Variants in PADI3 observed in about 807,000 individuals in gnomAD.
PADI3 encodes peptidyl arginine deiminase 3.
PADI3 carries 53 observed loss-of-function variants against 71.5 expected under a neutral mutation model. That is an observed-to-expected ratio of 0.74 (90% CI 0.59 to 0.93). The LOEUF (loss-of-function observed/expected upper bound fraction) is 0.93, where lower values mean the gene tolerates loss of function less well. Among genes scored for constraint, PADI3 ranks in the 40% least tolerant of loss-of-function variants. The pLI is 0.00. For missense variants in PADI3, 821 were observed against 868.0 expected, an observed-to-expected ratio of 0.95 and a Z score of 0.68; for synonymous variants, 361 against 347.5, an observed-to-expected ratio of 1.04 and a Z score of -0.43.
At chr1:17,272,998 A>T (rs75502034) in intron 9 of PADI3, among the ~76,000 whole-genome samples, 2,092 of 152,250 alleles carry the variant, frequency 0.014, 42 homozygotes, top group African/African-American at 0.047. Context: ...TGACCTGGGC[A>T]CATTTATGGA....
chr1:17,250,518 G>A (rs1162830536), intron 1 of PADI3, among the ~76,000 whole-genome samples: 7 of 152,188 alleles, frequency 4.6e-5, no homozygotes, highest in Non-Finnish European at 1.0e-4. Flanking sequence ...GTTGATCCAG[G>A]GCATTGGATG....
rs1466244943 is a variant in PADI3 at position 17,271,077 on chromosome 1, A to C, written c.946A>C (p.Asn316His). The change falls in exon 9 of 16, where the codon AAC becomes CAC. Residue 316 changes from asparagine (N) to histidine (H), a missense_variant. Physicochemically the swap from Asn to His is moderately conservative, Grantham distance 68. Coordinates refer to ENST00000375460, the MANE Select transcript of PADI3 (RefSeq NM_016233.2). Reference protein sequence around the residue: ...LEVYVCRVRNNTCFVDAVAEL... With the variant: ...LEVYVCRVRNHTCFVDAVAEL... Reference sequence around the variant, plus strand: ...TGGGCTTGTCCGTAGTGTGAGGAACAACACGTGTTTTGTGGATGCGGTGGC... The same window carrying C: ...TGGGCTTGTCCGTAGTGTGAGGAACCACACGTGTTTTGTGGATGCGGTGGC... The C allele has an allele frequency of 1.2e-6, 2 of 1,614,070 alleles. No homozygotes were observed. The highest frequency in any genetic ancestry group is 2.2e-5 in the South Asian group (2 of 91,076).
At position 17,271,119 on chromosome 1, in the gene PADI3, G is replaced by T; in HGVS notation, c.988G>T (p.Ala330Ser). 6.2e-7 allele frequency: 1 copy of T among 1,613,908 alleles called. No homozygotes were observed. Among genetic ancestry groups the T allele is most frequent in the East Asian group, 2.2e-5 (1 of 44,840 alleles). Residue 330 changes from alanine (A) to serine (S), a missense_variant, in exon 9 of 16, where the codon GCC becomes TCC. Coordinates refer to ENST00000375460, the MANE Select transcript of PADI3 (RefSeq NM_016233.2). ...VDAVAELARK[A>S]GCKLTICPQA... ...TGCGGTGGCAGAGCTGGCCAGGAAG[G>T]CCGGCTGCAAGCTGACCATCTGCCC... is the stretch of plus-strand genomic sequence containing the variant.
Position 17,267,841 on chromosome 1 carries a change from G to A in PADI3, c.531G>A (p.Leu177=), listed in dbSNP as rs1394895336. Residue 177 remains leucine (L), a synonymous_variant, in exon 6 of 16, where the codon CTG becomes CTA. Coordinates refer to ENST00000375460, the MANE Select transcript of PADI3 (RefSeq NM_016233.2). ...CDQHVHCLQD[L]EDMSVMVLRT... ...CCACTCTGTCTGGCTTCACAGACCT[G>A]GAAGACATGTCTGTCATGGTCCTGC... The A allele has an allele frequency of 6.2e-7, 1 of 1,613,608 alleles. No homozygotes were observed. Among genetic ancestry groups the A allele is most frequent in the Non-Finnish European group, 8.5e-7 (1 of 1,180,042 alleles).
At chr1:17,265,205 G>A (rs2073152115) in intron 3 of PADI3, among the ~76,000 whole-genome samples, 2 of 152,070 alleles carry the variant, frequency 1.3e-5, no homozygotes, top group African/African-American at 4.8e-5. Context: ...TGGGATGGGG[G>A]TGGGATTTGG....
At position 17,266,769 on chromosome 1, in the gene PADI3, C is replaced by G. The variant is rs768455472; in HGVS notation, c.459C>G (p.Asn153Lys). ...GGTATGGCGGCATCTTGCTGGTGAA[C>G]TGTGACCGTGATGATCCGAGCTGTG... ...PSGYGGILLV[N>K]CDRDDPSCDV... The change falls in exon 5 of 16, where the codon AAC becomes AAG. Residue 153 changes from asparagine (N) to lysine (K), a missense_variant. Transcript: ENST00000375460. 2.5e-6 allele frequency: 4 copies of G among 1,614,166 alleles called. No individual in the cohort carries two copies. The highest frequency in any genetic ancestry group is 1.3e-5 in the African/African-American group (1 of 75,032).
intron 3 of PADI3, among the ~76,000 whole-genome samples, chr1:17,263,080 A>G (rs2073122996): frequency 6.6e-6 from 1 of 152,114 alleles, no homozygotes; most frequent in South Asian, 2.1e-4. Context: ...ACGCCCAGCT[A>G]CTTTTGTATT....
intron 10 of PADI3, among the ~76,000 whole-genome samples, 182 bp from the exon 11 acceptor site, chr1:17,274,453 G>C (rs1481543941): frequency 6.6e-6 from 1 of 152,222 alleles, no homozygotes; most frequent in East Asian, 1.9e-4. Flanking sequence ...GACTTTGCCT[G>C]CTATGCGTGC....
intron 15 of PADI3, among the ~76,000 whole-genome samples, chr1:17,281,033 AC>A (rs1242036169): frequency 6.6e-6 from 1 of 152,236 alleles, no homozygotes; most frequent in Non-Finnish European, 1.5e-5. Context: ...GAAGGGGTCC[AC>A]TTGACATTTG....
Position 17,258,981 on chromosome 1 carries a change from G to A in PADI3, c.93-597G>A, listed in dbSNP as rs368354250. Reference sequence around the variant, plus strand: ...AGCACATGGCTGGCTTCTGACTTCCGAAGAGCTCGCCATTCTGGTGAGTGG... The same window carrying A: ...AGCACATGGCTGGCTTCTGACTTCCAAAGAGCTCGCCATTCTGGTGAGTGG... On this transcript the variant is annotated intron_variant, in intron 1 of 15. Transcript: ENST00000375460. 4.2e-4 allele frequency among the ~76,000 whole-genome samples: 64 copies of A among 152,342 alleles called. No homozygotes were observed. In the South Asian group the frequency reaches 0.011, roughly 26 times the overall value.
At chr1:17,272,486 T>A (rs2073269119) in intron 9 of PADI3, among the ~76,000 whole-genome samples, 1 of 152,168 alleles carries the variant, frequency 6.6e-6, no homozygotes, top group Admixed American at 6.5e-5. Flanking sequence ...TTTTATTTAT[T>A]TTTTTAAATT....
chr1:17,255,982 C>T (rs753633871), intron 1 of PADI3, among the ~76,000 whole-genome samples: 4 of 152,156 alleles, frequency 2.6e-5, no homozygotes, highest in African/African-American at 4.8e-5. Context: ...CAAGAACCAG[C>T]GCTGGCTCCC....
In PADI3 at chr1:17,267,963, G is replaced by A. The variant is rs1211625809; in HGVS notation, c.652+1G>A. 2.5e-6 allele frequency: 4 copies of A among 1,613,970 alleles called. No homozygotes were observed. The highest frequency in any genetic ancestry group is 3.3e-5 in the Admixed American group (2 of 60,010). On this transcript the variant is annotated splice_donor_variant, in intron 6 of 15. Coordinates refer to ENST00000375460, the MANE Select transcript of PADI3 (RefSeq NM_016233.2). LOFTEE classifies it high-confidence loss of function. Reference sequence around the variant, plus strand: ...CGGGCACAGGTCTTCCACATCTGCGGTGAGTTTGTGCCACTGCCCCTTGCC... The same window carrying A: ...CGGGCACAGGTCTTCCACATCTGCGATGAGTTTGTGCCACTGCCCCTTGCC...
chr1:17,280,207 C>T (rs2100604621), intron 13 of PADI3, 143 bp from the exon 14 acceptor site: 1 of 687,276 alleles, frequency 1.5e-6, no homozygotes, highest in South Asian at 1.7e-5. Flanking sequence ...GTGGAACCCA[C>T]CCAAGGCCTG....
At position 17,270,996 on chromosome 1, in the gene PADI3, C is replaced by A. The variant is rs766932761; in HGVS notation, c.935+14C>A. The stretch of plus-strand genomic sequence containing the variant: ...GTATGTGTGCCGGTGAGTCTTGGGG[C>A]AGTGGGTGGTCCCTCTGGCCCCCAG... On this transcript the variant is annotated intron_variant, in intron 8 of 15. Coordinates refer to ENST00000375460, the MANE Select transcript of PADI3 (RefSeq NM_016233.2). 6.2e-7 allele frequency: 1 copy of A among 1,613,314 alleles called. No homozygotes were observed. Among genetic ancestry groups the A allele is most frequent in the African/African-American group, 1.3e-5 (1 of 74,896 alleles).
chr1:17,266,440 G>A (rs573451203), intron 4 of PADI3, among the ~76,000 whole-genome samples: 1 of 152,348 alleles, frequency 6.6e-6, no homozygotes, highest in South Asian at 2.1e-4. Flanking sequence ...TGAGCACAGA[G>A]TGAGGCGTGT....
chr1:17,276,923 C>T, intron 13 of PADI3, 47 bp downstream of exon 13: 5 of 1,504,754 alleles, frequency 3.3e-6, no homozygotes, highest in Non-Finnish European at 4.5e-6. Context: ...CTGCCCCTTA[C>T]CCAAATTAAG....
chr1:17,276,551 G>A lies in PADI3; in HGVS notation c.1340G>A (p.Arg447Gln), dbSNP rs200537876. The A allele has an allele frequency of 4.6e-5, 75 of 1,614,094 alleles. No individual in the cohort carries two copies. Among genetic ancestry groups the A allele is most frequent in the African/African-American group, 1.6e-4 (12 of 75,006 alleles). The change falls in exon 12 of 16, where the codon CGG becomes CAG. Residue 447 changes from arginine (R) to glutamine (Q), a missense_variant. By Grantham distance (43) the Arg-to-Gln change is conservative. Coordinates refer to ENST00000375460, the MANE Select transcript of PADI3 (RefSeq NM_016233.2). ...SSGRRVTQVV[R>Q]DFLHAQKVQP... ...GGCCGCAGGGTCACCCAGGTGGTGC[G>A]GGACTTCCTCCATGCCCAGAAGGTG...
intron 6 of PADI3, 117 bp downstream of exon 6, chr1:17,268,079 C>T (rs1344837717): frequency 6.5e-6 from 8 of 1,224,924 alleles, no homozygotes; most frequent in Non-Finnish European, 9.3e-6. Flanking sequence ...CGGGAGATGC[C>T]CTGGTGGGTG....
Sources: gnomAD v4.1 joint callset for allele counts (sites outside exome capture counted in the v4.1 genomes callset) on GRCh38, gnomAD v4.1.1 for gene constraint, MANE v1.5 for transcripts, NCBI Gene and HGNC (gene_info 2026-07-23, HGNC 2026-07-21) for gene names.